AGMO: variants seen among roughly 807,000 people sequenced by gnomAD.
AGMO encodes glyceryl-ether monooxygenase.
In AGMO, 75 loss-of-function variants were observed where a neutral mutation model predicts 60.2. That is an observed-to-expected ratio of 1.25 (90% CI 1.03 to 1.51). The LOEUF is 1.51. AGMO is among the 40% of genes most tolerant of loss of function. AGMO has a pLI of 0.00. For synonymous variants in AGMO, 261 were observed against 177.1 expected, an observed-to-expected ratio of 1.47 and a Z score of -3.76; for missense variants, 763 against 525.5, an observed-to-expected ratio of 1.45 and a Z score of -4.42.
intron 12 of AGMO, among the ~76,000 whole-genome samples, chr7:15,300,027 T>C (rs1027602927): frequency 1.3e-5 from 2 of 152,054 alleles, no homozygotes; most frequent in African/African-American, 4.8e-5. Flanking sequence ...GCATGGAATT[T>C]GAGAAGAGAA....
chr7:15,132,671 T>G, the AGMO span, among the ~76,000 whole-genome samples: 1 of 152,142 alleles, frequency 6.6e-6, no homozygotes, highest in Non-Finnish European at 1.5e-5. Flanking sequence ...CTTGGGAAAG[T>G]GATCGTGGCT....
intron 3 of AGMO, among the ~76,000 whole-genome samples, chr7:15,541,172 G>A (rs1317712424): frequency 2.0e-5 from 3 of 152,124 alleles, no homozygotes; most frequent in African/African-American, 7.2e-5. Flanking sequence ...CCCCAGGCTG[G>A]AGTGCAGTGG....
chr7:15,499,945 A>AAT (rs1554279791), intron 3 of AGMO, among the ~76,000 whole-genome samples: 28 of 135,336 alleles, frequency 2.1e-4, no homozygotes, highest in African/African-American at 5.1e-4. Context: ...ATATATATAT[A>AAT]ATATATATAT....
intron 5 of AGMO, among the ~76,000 whole-genome samples, chr7:15,403,394 GTTAT>G (rs1784606793): frequency 2.0e-5 from 3 of 151,788 alleles, no homozygotes; most frequent in South Asian, 4.1e-4. Flanking sequence ...TTATTCTCTG[GTTAT>G]TTATTGAGTA....
the AGMO span, among the ~76,000 whole-genome samples, chr7:15,118,184 A>ACACACACACACG: frequency 6.7e-6 from 1 of 149,604 alleles, no homozygotes; most frequent in Non-Finnish European, 1.5e-5. Flanking sequence ...ACACACACAC[A>ACACACACACACG]CACACACACA....
In AGMO at chr7:15,561,209, C is replaced by T. The variant is rs1023128825; in HGVS notation, c.126+511G>A. On this transcript the variant is annotated intron_variant, in intron 1 of 12. Coordinates refer to ENST00000342526, the MANE Select transcript of AGMO (RefSeq NM_001004320.2). The stretch of plus-strand genomic sequence containing the variant: ...GCCAGGAACCAGAAGTGAAATGTGC[C>T]TCTGAGCACTTCAGAGTTTCAAAGA... Among the ~76,000 whole-genome samples the T allele has an allele frequency of 2.6e-5, 4 of 152,218 alleles. No individual in the cohort carries two copies. In the South Asian group the frequency reaches 6.2e-4, roughly 24 times the overall value.
At chr7:15,526,721 T>C (rs953132862) in intron 3 of AGMO, among the ~76,000 whole-genome samples, 10 of 152,150 alleles carry the variant, frequency 6.6e-5, no homozygotes, top group African/African-American at 9.7e-5. Flanking sequence ...CTACACTTTA[T>C]TGGGCTTTGC....
rs757590655 is a variant in AGMO, at chr7:15,365,519, A to C, written c.1258T>G (p.Phe420Val). The stretch of plus-strand genomic sequence containing the variant: ...TACCTAAACAAATGTCTTACCTCAA[A>C]AGCAGATGACAATGAAGGGACAAGA... Reference protein sequence around the residue: ...KPLVPSLSSAFEIVFSICIAF... With the variant: ...KPLVPSLSSAVEIVFSICIAF... The change falls in exon 12 of 13, where the codon TTT becomes GTT. Residue 420 changes from phenylalanine (F) to valine (V), a missense_variant. Physicochemically the swap from Phe to Val is conservative, Grantham distance 50. Coordinates refer to ENST00000342526, the MANE Select transcript of AGMO (RefSeq NM_001004320.2). 13 of 1,609,580 alleles carry C rather than the reference A, an allele frequency of 8.1e-6. No homozygotes were observed. The African/African-American group carries it at 1.7e-4, about 22-fold the overall frequency.
intron 12 of AGMO, among the ~76,000 whole-genome samples, chr7:15,357,579 AATAT>A (rs1481241771): frequency 1.3e-5 from 2 of 152,220 alleles, no homozygotes; most frequent in East Asian, 3.8e-4. Context: ...ATGTAGCAGA[AATAT>A]ATAGAGTCTC....
the AGMO span, among the ~76,000 whole-genome samples, chr7:15,128,930 C>A: frequency 1.3e-5 from 2 of 152,098 alleles, no homozygotes; most frequent in Admixed American, 1.3e-4. Context: ...GGCAGATACT[C>A]AAAGGCAGTC....
chr7:15,204,315 C>T (rs957200929), intron 12 of AGMO, among the ~76,000 whole-genome samples: 18 of 152,022 alleles, frequency 1.2e-4, no homozygotes, highest in East Asian at 3.8e-4. Context: ...TTTTGTATTA[C>T]GCCATTTATT....
At position 15,500,836 on chromosome 7, in the gene AGMO, G is replaced by A. The variant is rs149991122; in HGVS notation, c.409+43936C>T. Among the ~76,000 whole-genome samples, 47 of 151,892 alleles carry A rather than the reference G, an allele frequency of 3.1e-4. 2 individuals carry two copies. The South Asian group carries it at 9.1e-3, about 30-fold the overall frequency. On this transcript the variant is annotated intron_variant, in intron 3 of 12. Coordinates refer to ENST00000342526, the MANE Select transcript of AGMO (RefSeq NM_001004320.2). ...AGATGTGGGCCTTTAGTGCTCTAAG[G>A]TTCCCTCTTAACACTGCCTCAGCTG...
At chr7:15,505,325 G>T (rs970382488) in intron 3 of AGMO, among the ~76,000 whole-genome samples, 5 of 151,932 alleles carry the variant, frequency 3.3e-5, no homozygotes, top group African/African-American at 4.8e-5. Context: ...ATATAGCCAA[G>T]GTAGGATGAG....
intron 10 of AGMO, among the ~76,000 whole-genome samples, chr7:15,383,882 G>A (rs576667198): frequency 1.3e-5 from 2 of 151,506 alleles, no homozygotes; most frequent in East Asian, 3.9e-4. Flanking sequence ...TTTTTAATCT[G>A]TTTATGTATT....
chr7:15,252,243 AGTGGTGGT>A (rs1356279834), intron 12 of AGMO, among the ~76,000 whole-genome samples: 1 of 152,228 alleles, frequency 6.6e-6, no homozygotes, highest in Non-Finnish European at 1.5e-5. Flanking sequence ...AAGGGTTAGT[AGTGGTGGT>A]GCTTACAATC....
At chr7:15,403,875 T>A (rs1274864813) in intron 5 of AGMO, among the ~76,000 whole-genome samples, 1 of 151,952 alleles carries the variant, frequency 6.6e-6, no homozygotes, top group Non-Finnish European at 1.5e-5. Flanking sequence ...TAGCCTCTGA[T>A]TTATCTGCAG....
At chr7:15,368,141 G>A (rs1783056408) in intron 10 of AGMO, among the ~76,000 whole-genome samples, 1 of 151,982 alleles carries the variant, frequency 6.6e-6, no homozygotes, top group South Asian at 2.1e-4. Context: ...GAATGTTTAG[G>A]AATAGGGGCA....
intron 3 of AGMO, among the ~76,000 whole-genome samples, chr7:15,469,463 A>C (rs571974700): frequency 2.0e-5 from 3 of 152,280 alleles, no homozygotes; most frequent in Admixed American, 1.3e-4. Flanking sequence ...TGACTAAATA[A>C]CTAGGAGTCA....
At chr7:15,380,071 T>A (rs1783613180) in intron 10 of AGMO, among the ~76,000 whole-genome samples, 1 of 152,140 alleles carries the variant, frequency 6.6e-6, no homozygotes, top group Non-Finnish European at 1.5e-5. Flanking sequence ...TGGGCAAATG[T>A]TGGAAGCATT....
Sources: allele counts gnomAD v4.1 joint callset (sites outside exome capture counted in the v4.1 genomes callset), GRCh38; gene constraint gnomAD v4.1.1; transcripts MANE v1.5; gene names NCBI Gene and HGNC (gene_info 2026-07-23, HGNC 2026-07-21).